The following ABLIM1 variants were observed in gnomAD, a reference collection of about 807,000 sequenced individuals.
The protein encoded by ABLIM1 is actin-binding LIM protein 1.
In ABLIM1, 40 loss-of-function variants were observed where a neutral mutation model predicts 107.0. That is an observed-to-expected ratio of 0.37 (90% confidence interval 0.29 to 0.49). The LOEUF is 0.49. Ranked by LOEUF, ABLIM1 falls within the 20% of genes least tolerant of loss-of-function variation. ABLIM1 has a pLI of 0.97. For missense variants in ABLIM1, 857 were observed against 1,008.5 expected (o/e 0.85, Z 2.04); for synonymous variants, 357 against 357.3 (o/e 1.00, Z 0.01).
At chr10:114,578,116 C>A (rs1279201745) in intron 2 of ABLIM1, among the ~76,000 whole-genome samples, 1 of 152,132 alleles carries the variant, frequency 6.6e-6, no homozygotes, top group Non-Finnish European at 1.5e-5. Context: ...GGGAACAGAT[C>A]TCATTCACTC....
chr10:114,749,317 C>T (rs908181464), intron 1 of ABLIM1, among the ~76,000 whole-genome samples: 5 of 152,142 alleles, frequency 3.3e-5, no homozygotes, highest in African/African-American at 1.2e-4. Context: ...CCATTGGCTA[C>T]ATTTGCCTCT....
chr10:114,716,410 A>AACACACACAC (rs56097544), intron 1 of ABLIM1, among the ~76,000 whole-genome samples: 2,146 of 143,582 alleles, frequency 0.015, 50 homozygotes, highest in African/African-American at 0.051. Flanking sequence ...GGTAGAGAGA[A>AACACACACAC]ACACACACAC....
chr10:114,693,575 A>G (rs1417016472), intron 1 of ABLIM1, among the ~76,000 whole-genome samples: 1 of 152,164 alleles, frequency 6.6e-6, no homozygotes, highest in Non-Finnish European at 1.5e-5. Context: ...GCACAGCCAT[A>G]TAAGCGCAGG....
intron 1 of ABLIM1, among the ~76,000 whole-genome samples, chr10:114,642,022 A>G (rs1395625111): frequency 6.6e-6 from 1 of 152,100 alleles, no homozygotes; most frequent in African/African-American, 2.4e-5. Flanking sequence ...AGCTGGGACT[A>G]CAGGTGTGCA....
At chr10:114,479,828 T>C (rs1032735755) in intron 8 of ABLIM1, among the ~76,000 whole-genome samples, 1 of 152,258 alleles carries the variant, frequency 6.6e-6, no homozygotes, top group Non-Finnish European at 1.5e-5. Context: ...ATTTGAAACA[T>C]CTAGAATTCC....
At chr10:114,573,852 A>G (rs1245728159) in intron 3 of ABLIM1, among the ~76,000 whole-genome samples, 1 of 152,240 alleles carries the variant, frequency 6.6e-6, no homozygotes, top group African/African-American at 2.4e-5. Context: ...TTGGGGCTCC[A>G]TGCCAGCCCA....
At chr10:114,592,139 A>G (rs1159706710) in intron 2 of ABLIM1, among the ~76,000 whole-genome samples, 3 of 152,200 alleles carry the variant, frequency 2.0e-5, no homozygotes, top group Non-Finnish European at 2.9e-5. Context: ...CATAACTTAT[A>G]TAATATATAA....
At chr10:114,697,369 C>A (rs1301763560) in intron 1 of ABLIM1, among the ~76,000 whole-genome samples, 1 of 152,252 alleles carries the variant, frequency 6.6e-6, no homozygotes, top group Admixed American at 6.5e-5. Flanking sequence ...GCTTCTCCTG[C>A]CCTGGGGCAA....
intron 1 of ABLIM1, among the ~76,000 whole-genome samples, chr10:114,706,032 T>C (rs2081414337): frequency 6.6e-6 from 1 of 152,138 alleles, no homozygotes; most frequent in African/African-American, 2.4e-5. Context: ...AATCACCAAG[T>C]CAAACTCAGA....
In ABLIM1 at chr10:114,441,885, C is replaced by T. The variant is rs1024094883; in HGVS notation, c.1934-99G>A. The T allele has an allele frequency of 3.7e-6, 4 of 1,078,500 alleles. No homozygotes were observed. The East Asian group carries it at 7.2e-5, about 19-fold the overall frequency. The allele number at this position is 1,078,500 out of a possible 1,614,324, so 66.8% of individuals were successfully genotyped here. A position where few individuals can be genotyped will look rare whatever the true frequency, so the allele number is the denominator to read the frequency against. ...TCTTCTACCTCACAGGATAGAAATA[C>T]CAAAAAAATTCAAATCATATTGGGC... On this transcript the variant is annotated intron_variant, in intron 17 of 22. Coordinates refer to ENST00000533213, the MANE Select transcript of ABLIM1 (RefSeq NM_002313.7).
intron 4 of ABLIM1, among the ~76,000 whole-genome samples, chr10:114,558,213 G>A (rs966746863): frequency 7.9e-5 from 12 of 151,580 alleles, no homozygotes; most frequent in African/African-American, 1.5e-4. Flanking sequence ...GTGTTCCCCC[G>A]CCCCCCCATA....
chr10:114,799,558 T>C, the ABLIM1 span, among the ~76,000 whole-genome samples: 2 of 152,304 alleles, frequency 1.3e-5, no homozygotes, highest in East Asian at 3.9e-4. Context: ...CTTAGCATCA[T>C]CCTTTGCCTT....
chr10:114,566,618 C>A (rs926276768), intron 4 of ABLIM1, among the ~76,000 whole-genome samples: 1 of 152,220 alleles, frequency 6.6e-6, no homozygotes, highest in Non-Finnish European at 1.5e-5. Flanking sequence ...TGTGTGCTAA[C>A]TTTCACTACT....
At chr10:114,481,591 G>C (rs1025060034) in intron 8 of ABLIM1, among the ~76,000 whole-genome samples, 5 of 152,164 alleles carry the variant, frequency 3.3e-5, no homozygotes, top group Non-Finnish European at 5.9e-5. Flanking sequence ...CAAAGAAAGA[G>C]TGAAATCAAC....
chr10:114,714,948 G>T (rs2081629434), intron 1 of ABLIM1, among the ~76,000 whole-genome samples: 1 of 151,884 alleles, frequency 6.6e-6, no homozygotes, highest in Admixed American at 6.6e-5. Context: ...TCCCTATTAT[G>T]CCATGAAGGC....
intron 11 of ABLIM1, among the ~76,000 whole-genome samples, chr10:114,466,724 T>C (rs750828904): frequency 2.6e-5 from 4 of 152,212 alleles, no homozygotes; most frequent in Non-Finnish European, 4.4e-5. Flanking sequence ...ACTTCTCACT[T>C]TGGGAAACAT....
chr10:114,742,917 T>C (rs2082314695), intron 1 of ABLIM1, among the ~76,000 whole-genome samples: 1 of 152,036 alleles, frequency 6.6e-6, no homozygotes, highest in South Asian at 2.1e-4. Flanking sequence ...AGCAAGACTC[T>C]GTCTCAAAAA....
upstream of ABLIM1, chr10:114,768,196 G>A (rs553934854): frequency 1.1e-4 from 20 of 179,322 alleles, no homozygotes; most frequent in Non-Finnish European, 2.1e-4. Context: ...CGGGGACGCC[G>A]CCCGCAGGAC....
intron 5 of ABLIM1, 44 bp downstream of exon 5, chr10:114,547,605 GC>G (rs770859550): frequency 2.5e-5 from 40 of 1,608,692 alleles, no homozygotes; most frequent in Non-Finnish European, 3.3e-5. Context: ...GAACCACAAC[GC>G]CCGGTGCCCA....
Sources: gnomAD v4.1 joint callset for allele counts (sites outside exome capture counted in the v4.1 genomes callset) on GRCh38, gnomAD v4.1.1 for gene constraint, MANE v1.5 for transcripts, NCBI Gene and HGNC (gene_info 2026-07-23, HGNC 2026-07-21) for gene names.